The following LRBA variants were observed in gnomAD, a reference collection of about 807,000 sequenced individuals.
The protein encoded by LRBA is LPS responsive beige-like anchor protein.
Under a neutral mutation model 330.0 loss-of-function variants are expected in LRBA, and 176 were observed. The ratio of observed to expected loss-of-function variants is 0.53; its 90% confidence interval spans 0.47 to 0.60. The LOEUF (loss-of-function observed/expected upper bound fraction) is 0.60, where lower values mean the gene tolerates loss of function less well. Ranked by LOEUF, LRBA falls within the 20% of genes least tolerant of loss-of-function variation. LRBA has a pLI of 0.00. For missense variants in LRBA, 3,259 were observed against 3,444.8 expected, an observed-to-expected ratio of 0.95 and a Z score of 1.35; for synonymous variants, 1,230 against 1,193.0, an observed-to-expected ratio of 1.03 and a Z score of -0.64.
At chr4:150,835,673 G>A (rs1174561314) in intron 28 of LRBA, among the ~76,000 whole-genome samples, 2 of 152,166 alleles carry the variant, frequency 1.3e-5, no homozygotes, top group African/African-American at 2.4e-5. Context: ...CTTTGCTGAA[G>A]TTGCTTATCA....
chr4:150,599,106 C>G lies in LRBA; in HGVS notation c.5947G>C (p.Asp1983His), dbSNP rs960061622. 5.6e-6 allele frequency: 9 copies of G among 1,613,914 alleles called. No homozygotes were observed. In the East Asian group the frequency reaches 8.9e-5, roughly 16 times the overall value. Residue 1983 changes from aspartate to histidine, a missense_variant, in exon 38 of 57, where the codon GAC (aspartate) becomes CAC (histidine). Asp to His is a moderately conservative substitution (Grantham distance 81). Coordinates refer to ENST00000651943, the MANE Select transcript of LRBA (RefSeq NM_001364905.1). ...CGCCGCAAGTCATCTTCCCAGTAGTCAAGGCGCCAGAACTCAAGAGGACGA... is the reference window on the plus strand; with the variant it reads ...CGCCGCAAGTCATCTTCCCAGTAGTGAAGGCGCCAGAACTCAAGAGGACGA... Reference protein sequence around the residue: ...VSRPLEFWRLDYWEDDLRRRR... With the variant: ...VSRPLEFWRLHYWEDDLRRRR...
chr4:150,445,377 C>CTCTCTCTCTCTCTCTCTATA (rs1454079183), intron 44 of LRBA, among the ~76,000 whole-genome samples: 1 of 78,606 alleles, frequency 1.3e-5, no homozygotes, highest in Non-Finnish European at 2.5e-5. Context: ...CTCTCTCTCT[C>CTCTCTCTCTCTCTCTCTATA]TATATATATA....
At chr4:150,922,394 G>GTACATATATATATA (rs1554000211) in intron 4 of LRBA, among the ~76,000 whole-genome samples, 1 of 139,708 alleles carries the variant, frequency 7.2e-6, no homozygotes, top group Non-Finnish European at 1.5e-5. Context: ...AGAAACTGTG[G>GTACATATATATATA]TATATATATA....
intron 28 of LRBA, among the ~76,000 whole-genome samples, chr4:150,837,473 G>A (rs1748303190): frequency 6.6e-6 from 1 of 152,116 alleles, no homozygotes. Context: ...ATGAACCTGG[G>A]TACTCCTGTA....
intron 40 of LRBA, among the ~76,000 whole-genome samples, chr4:150,559,649 AAT>A (rs1297394609): frequency 2.1e-5 from 1 of 48,158 alleles, no homozygotes; most frequent in Non-Finnish European, 3.7e-5. Flanking sequence ...TATATAATAT[AAT>A]ATATAATTAT....
In LRBA at chr4:150,315,544, A is replaced by T; in HGVS notation, c.7693+17T>A. 6.2e-7 allele frequency: 1 copy of T among 1,607,382 alleles called. No homozygotes were observed. The highest frequency in any genetic ancestry group is 8.5e-7 in the Non-Finnish European group (1 of 1,174,238). ...ACAGAGCTTAATGAATCGCAAAGAG[A>T]GAAGGAAGTGACAGACCTATGAGAG... is the stretch of plus-strand genomic sequence containing the variant. On this transcript the variant is annotated intron_variant, in intron 51 of 56. Transcript: ENST00000651943.
chr4:150,895,919 A>G (rs1730033730), intron 16 of LRBA, among the ~76,000 whole-genome samples: 1 of 152,126 alleles, frequency 6.6e-6, no homozygotes, highest in Non-Finnish European at 1.5e-5. Context: ...AAGTGTTCCT[A>G]TTTCTCCACA....
intron 53 of LRBA, among the ~76,000 whole-genome samples, chr4:150,292,099 G>A (rs1485182967): frequency 6.6e-6 from 1 of 152,148 alleles, no homozygotes; most frequent in African/African-American, 2.4e-5. Context: ...CATTAGTTGT[G>A]TTTCTTTGGT....
intron 40 of LRBA, among the ~76,000 whole-genome samples, chr4:150,572,719 G>C (rs1770019453): frequency 6.6e-6 from 1 of 152,112 alleles, no homozygotes; most frequent in Admixed American, 6.6e-5. Context: ...CAAGTCACTT[G>C]TCAGTTAAAG....
rs1731544122 is a variant in LRBA at position 150,315,085 on chromosome 4, G to A, written c.7693+476C>T. On this transcript the variant is annotated intron_variant, in intron 51 of 56. Transcript: ENST00000651943. Reference sequence around the variant, plus strand: ...ACAGAAGGTCTAGGAAGAAAGGATTGATCTCCTTTAATGATGAAACCCTGG... The same window carrying A: ...ACAGAAGGTCTAGGAAGAAAGGATTAATCTCCTTTAATGATGAAACCCTGG... 6 of 182,334 alleles carry A rather than the reference G, an allele frequency of 3.3e-5. No homozygotes were observed. The South Asian group carries it at 5.5e-4, about 17-fold the overall frequency. 11.3% of individuals were successfully genotyped at this position (182,334 alleles called of 1,614,324 possible).
In LRBA at chr4:150,675,446, C is replaced by T. The variant is rs565614812; in HGVS notation, c.5921+8105G>A. Among the ~76,000 whole-genome samples, 288 of 152,134 alleles carry T rather than the reference C, an allele frequency of 1.9e-3. 3 individuals are homozygous for T. The highest frequency in any genetic ancestry group is 6.6e-3 in the African/African-American group (275 of 41,518). ...AAAATACTTGGCACAGGGCTGGGCG[C>T]GGTGGCTCATGCCTGTAATCTCAGC... On this transcript the variant is annotated intron_variant, in intron 37 of 56. Coordinates refer to ENST00000651943, the MANE Select transcript of LRBA (RefSeq NM_001364905.1).
intron 48 of LRBA, among the ~76,000 whole-genome samples, chr4:150,342,715 C>T (rs1040207913): frequency 6.6e-6 from 1 of 152,066 alleles, no homozygotes; most frequent in African/African-American, 2.4e-5. Flanking sequence ...AAAATGGAAA[C>T]TTTCTCAAGA....
intron 13 of LRBA, 32 bp from the exon 14 acceptor site, chr4:150,900,249 C>A (rs2127133477): frequency 6.5e-7 from 1 of 1,537,342 alleles, no homozygotes; most frequent in Non-Finnish European, 8.9e-7. Flanking sequence ...CTTAGAGAAC[C>A]CCACCAGCAT....
At chr4:150,678,981 A>G (rs1782817509) in intron 37 of LRBA, among the ~76,000 whole-genome samples, 1 of 152,120 alleles carries the variant, frequency 6.6e-6, no homozygotes. Flanking sequence ...AAATTCATTG[A>G]TATTACTTAT....
intron 8 of LRBA, among the ~76,000 whole-genome samples, chr4:150,914,680 G>A (rs1732389767): frequency 6.6e-6 from 1 of 151,974 alleles, no homozygotes; most frequent in Non-Finnish European, 1.5e-5. Context: ...CAAGGTTGCT[G>A]GAGCTTTTTG....
chr4:150,666,785 A>G (rs536355247), intron 37 of LRBA, among the ~76,000 whole-genome samples: 19 of 152,312 alleles, frequency 1.2e-4, no homozygotes, highest in African/African-American at 4.1e-4. Flanking sequence ...TTGTATGTCA[A>G]TTGTACCACA....
chr4:150,961,890 G>A (rs1028472583), intron 2 of LRBA, among the ~76,000 whole-genome samples: 3 of 149,302 alleles, frequency 2.0e-5, no homozygotes, highest in Non-Finnish European at 2.9e-5. Flanking sequence ...AGAATCTTAT[G>A]TATATTAAAT....
chr4:150,357,012 T>C (rs768355637), intron 47 of LRBA, among the ~76,000 whole-genome samples: 20 of 151,962 alleles, frequency 1.3e-4, no homozygotes, highest in Admixed American at 4.6e-4. Context: ...ATGCTAAGAA[T>C]AAAAATTGTA....
At chr4:150,456,974 C>A (rs943501913) in intron 44 of LRBA, among the ~76,000 whole-genome samples, 1 of 151,962 alleles carries the variant, frequency 6.6e-6, no homozygotes, top group African/African-American at 2.4e-5. Context: ...AAAATGAGTC[C>A]ACTGTAGGTA....
Sources: gnomAD v4.1 joint callset for allele counts (sites outside exome capture counted in the v4.1 genomes callset) on GRCh38, gnomAD v4.1.1 for gene constraint, MANE v1.5 for transcripts, NCBI Gene and HGNC (gene_info 2026-07-23, HGNC 2026-07-21) for gene names.